GHR: variants seen among roughly 807,000 people sequenced by gnomAD.
GHR encodes the protein GH receptor.
Under a neutral mutation model 67.1 loss-of-function variants are expected in GHR, and 35 were observed. The observed-to-expected ratio is 0.52, with a 90% CI of 0.40 to 0.69. GHR has a LOEUF of 0.69. Ranked by LOEUF, GHR falls within the 30% of genes least tolerant of loss-of-function variation. The pLI is 0.00. For missense variants in GHR, 792 were observed against 764.6 expected, an observed-to-expected ratio of 1.04 and a Z score of -0.42; for synonymous variants, 272 against 269.1, an observed-to-expected ratio of 1.01 and a Z score of -0.10.
intron 1 of GHR, among the ~76,000 whole-genome samples, chr5:42,530,008 T>TC (rs1472622714): frequency 1.4e-5 from 2 of 147,306 alleles, no homozygotes; most frequent in East Asian, 3.9e-4. Flanking sequence ...TCTTTTTTTT[T>TC]TTTTTTTTTT....
intron 3 of GHR, among the ~76,000 whole-genome samples, chr5:42,659,536 T>C (rs1429497362): frequency 2.0e-5 from 3 of 152,294 alleles, no homozygotes; most frequent in Non-Finnish European, 2.9e-5. Flanking sequence ...ATGTTAGCAC[T>C]ATGCCATGTG....
intron 1 of GHR, among the ~76,000 whole-genome samples, chr5:42,539,966 TG>T (rs1387511621): frequency 7.9e-5 from 12 of 152,214 alleles, no homozygotes; most frequent in Non-Finnish European, 1.5e-4. Context: ...GACTTATTTT[TG>T]TCAGGTTAAG....
intron 3 of GHR, among the ~76,000 whole-genome samples, chr5:42,679,135 ATATATTATATATTG>A (rs1446851008): frequency 7.1e-5 from 10 of 139,874 alleles, no homozygotes; most frequent in East Asian, 5.2e-4. Context: ...ATATTAATTA[ATATATTATATATTG>A]TATATTATAT....
chr5:42,568,815 C>G (rs945927161), intron 2 of GHR, among the ~76,000 whole-genome samples: 3 of 152,140 alleles, frequency 2.0e-5, no homozygotes, highest in Admixed American at 2.0e-4. Flanking sequence ...TCAAGGTGGA[C>G]TAGAATAGTT....
At chr5:42,670,878 A>ATATATATAT (rs565509422) in intron 3 of GHR, among the ~76,000 whole-genome samples, 10 of 88,366 alleles carry the variant, frequency 1.1e-4, no homozygotes, top group African/African-American at 3.6e-4. Context: ...AAAAAAAAAA[A>ATATATATAT]AAATATATAT....
chr5:42,655,237 G>A (rs1025135442), intron 3 of GHR, among the ~76,000 whole-genome samples: 4 of 152,042 alleles, frequency 2.6e-5, no homozygotes, highest in African/African-American at 7.2e-5. Flanking sequence ...TTTCTTTGAC[G>A]GGCAGATGCT....
intron 1 of GHR, among the ~76,000 whole-genome samples, chr5:42,458,272 A>C (rs1002143640): frequency 4.6e-5 from 7 of 152,342 alleles, no homozygotes; most frequent in African/African-American, 1.7e-4. Context: ...TCACTGGCAC[A>C]AAAACAGACA....
intron 2 of GHR, among the ~76,000 whole-genome samples, chr5:42,613,309 T>C (rs1243380668): frequency 6.6e-6 from 1 of 152,126 alleles, no homozygotes; most frequent in East Asian, 1.9e-4. Context: ...TTGCTGCTGT[T>C]GTTTCTCCGT....
intron 1 of GHR, among the ~76,000 whole-genome samples, chr5:42,448,726 A>G (rs952372694): frequency 6.6e-6 from 1 of 151,744 alleles, no homozygotes; most frequent in Non-Finnish European, 1.5e-5. Flanking sequence ...TGTTGAGAAG[A>G]GTTTTTTTGA....
At chr5:42,691,971 G>T (rs1446232506) in intron 4 of GHR, among the ~76,000 whole-genome samples, 2 of 152,276 alleles carry the variant, frequency 1.3e-5, no homozygotes, top group East Asian at 3.9e-4. Flanking sequence ...TAAATGCTGT[G>T]TTTTTAAAGG....
At chr5:42,570,678 C>T (rs557186696) in intron 2 of GHR, among the ~76,000 whole-genome samples, 3 of 152,226 alleles carry the variant, frequency 2.0e-5, no homozygotes, top group African/African-American at 7.2e-5. Context: ...AGCCACTGTG[C>T]CCAGCCCAAG....
At chr5:42,503,206 A>G (rs1411619579) in intron 1 of GHR, among the ~76,000 whole-genome samples, 1 of 152,176 alleles carries the variant, frequency 6.6e-6, no homozygotes, top group Non-Finnish European at 1.5e-5. Context: ...TTGTATTGGC[A>G]TGTTATGAAG....
At chr5:42,503,534 G>A (rs897046885) in intron 1 of GHR, among the ~76,000 whole-genome samples, 1 of 152,076 alleles carries the variant, frequency 6.6e-6, no homozygotes, top group African/African-American at 2.4e-5. Flanking sequence ...GAAGACTGTT[G>A]GTGGATTTGA....
chr5:42,548,352 G>T (rs959956535), intron 1 of GHR: 2 of 985,230 alleles, frequency 2.0e-6, no homozygotes, highest in Non-Finnish European at 2.4e-6. Context: ...AGAAACTTCT[G>T]TGGGATCCCA....
intron 1 of GHR, among the ~76,000 whole-genome samples, chr5:42,540,962 G>C (rs1203966609): frequency 7.5e-6 from 1 of 133,544 alleles, no homozygotes; most frequent in Non-Finnish European, 1.6e-5. Flanking sequence ...TTTTTGTCTA[G>C]AATTTACTTT....
At chr5:42,576,060 A>C (rs1170698061) in intron 2 of GHR, among the ~76,000 whole-genome samples, 1 of 71,162 alleles carries the variant, frequency 1.4e-5, no homozygotes, top group African/African-American at 8.9e-5. Context: ...AAAATAAAAT[A>C]AAATAAAATA....
At chr5:42,687,265 A>G (rs1466718631) in intron 3 of GHR, among the ~76,000 whole-genome samples, 4 of 152,346 alleles carry the variant, frequency 2.6e-5, no homozygotes, top group East Asian at 1.9e-4. Flanking sequence ...TATAGATTCA[A>G]TGCTATCCCC....
intron 1 of GHR, among the ~76,000 whole-genome samples, chr5:42,428,540 T>C (rs1193341464): frequency 6.6e-6 from 1 of 152,124 alleles, no homozygotes; most frequent in Non-Finnish European, 1.5e-5. Context: ...AGAAAATGGG[T>C]TTTTCTTTTC....
At chr5:42,577,062 A>G (rs1472284244) in intron 2 of GHR, among the ~76,000 whole-genome samples, 3 of 152,224 alleles carry the variant, frequency 2.0e-5, no homozygotes, top group Non-Finnish European at 2.9e-5. Flanking sequence ...GCCAATTACA[A>G]TTATCTGAAA....
Sources: allele counts gnomAD v4.1 joint callset (sites outside exome capture counted in the v4.1 genomes callset), GRCh38; gene constraint gnomAD v4.1.1; transcripts MANE v1.5; gene names NCBI Gene and HGNC (gene_info 2026-07-23, HGNC 2026-07-21).